Variants in DOCK8 observed in about 807,000 individuals in gnomAD.
The protein encoded by DOCK8 is dedicator of cytokinesis 8, also known as dedicator of cytokinesis protein 8.
DOCK8 carries 141 observed loss-of-function variants against 245.6 expected under a neutral mutation model. That is an observed-to-expected ratio of 0.57 (90% CI 0.50 to 0.66). The LOEUF is 0.66. DOCK8 is among the 30% of genes least tolerant of loss of function. The probability of loss-of-function intolerance (pLI) is 0.00; values close to 1 mark genes in which losing one functional copy is unlikely to be tolerated. For synonymous variants in DOCK8, 1,168 were observed against 970.2 expected (o/e 1.20, Z -3.79); for missense variants, 2,965 against 2,603.4 (o/e 1.14, Z -3.02).
At chr9:279,616 A>C (rs2048496060) in intron 2 of DOCK8, among the ~76,000 whole-genome samples, 1 of 152,212 alleles carries the variant, frequency 6.6e-6, no homozygotes, top group African/African-American at 2.4e-5. Context: ...ATGGGAAGAA[A>C]GTATGTCAAG....
chr9:403,886 C>A (rs1217321265), intron 26 of DOCK8, among the ~76,000 whole-genome samples: 26 of 89,350 alleles, frequency 2.9e-4, no homozygotes, highest in East Asian at 2.1e-3. Flanking sequence ...CTCTCTCTCT[C>A]TCTCTCTATA....
rs572220748 is a variant in DOCK8, at chr9:436,777, A to G, written c.5079+1802A>G. 8.0e-4 allele frequency among the ~76,000 whole-genome samples: 122 copies of G among 152,242 alleles called. 3 individuals carry two copies. The highest frequency in any genetic ancestry group is 7.1e-4 in the Non-Finnish European group (48 of 68,034). On this transcript the variant is annotated intron_variant, in intron 39 of 47. Transcript: ENST00000432829. ...TGATTCCTTCTTTTAGAGAATATTTATTGAATACTTATTCTGTCCTCATGA... is the reference window on the plus strand; with the variant it reads ...TGATTCCTTCTTTTAGAGAATATTTGTTGAATACTTATTCTGTCCTCATGA...
chr9:427,083 A>G (rs1373221280), intron 34 of DOCK8, 102 bp downstream of exon 34: 1 of 971,046 alleles, frequency 1.0e-6, no homozygotes, highest in African/African-American at 1.6e-5. Context: ...ATGTGATCCC[A>G]TAGTACCTTT....
intron 1 of DOCK8, among the ~76,000 whole-genome samples, chr9:230,461 C>A (rs112517187): frequency 3.9e-4 from 60 of 152,164 alleles, no homozygotes; most frequent in African/African-American, 1.4e-3. Context: ...TTCTAGATCC[C>A]TGAGGAATCG....
intron 14 of DOCK8, among the ~76,000 whole-genome samples, chr9:346,023 C>G (rs956205105): frequency 1.3e-5 from 2 of 151,924 alleles, no homozygotes; most frequent in Non-Finnish European, 2.9e-5. Context: ...GCGGCTCGGG[C>G]CCTCTGCAGT....
chr9:249,190 A>G (rs2047587601), intron 1 of DOCK8, among the ~76,000 whole-genome samples: 1 of 152,160 alleles, frequency 6.6e-6, no homozygotes, highest in Non-Finnish European at 1.5e-5. Context: ...AAGTCTAGAG[A>G]TGGTCCTATG....
chr9:272,223 C>T (rs745697107), intron 2 of DOCK8, among the ~76,000 whole-genome samples: 6 of 152,150 alleles, frequency 3.9e-5, no homozygotes, highest in Non-Finnish European at 7.3e-5. Context: ...AACCTTTCCT[C>T]AGTCAAGATA....
intron 1 of DOCK8, among the ~76,000 whole-genome samples, chr9:230,666 T>A (rs1176908244): frequency 6.6e-6 from 1 of 151,644 alleles, no homozygotes. Flanking sequence ...GGTGAGCATT[T>A]TTTCATGTGT....
intron 24 of DOCK8, among the ~76,000 whole-genome samples, chr9:393,615 G>A (rs981046353): frequency 3.3e-5 from 5 of 152,176 alleles, no homozygotes; most frequent in African/African-American, 9.7e-5. Flanking sequence ...CGTTGGCCCA[G>A]GAGAGAAAGC....
chr9:449,989 C>G, intron 45 of DOCK8, 62 bp downstream of exon 45: 1 of 1,571,096 alleles, frequency 6.4e-7, no homozygotes, highest in Non-Finnish European at 8.7e-7. Flanking sequence ...CATTATACGT[C>G]TGCACCCTTC....
chr9:447,470 CAATT>C (rs758409687), intron 44 of DOCK8, among the ~76,000 whole-genome samples: 5 of 152,124 alleles, frequency 3.3e-5, no homozygotes, highest in Non-Finnish European at 7.4e-5. Context: ...CCTTGTTAAA[CAATT>C]TGAGAGCAGA....
chr9:461,822 A>C (rs564507902), intron 46 of DOCK8, among the ~76,000 whole-genome samples: 2 of 152,178 alleles, frequency 1.3e-5, no homozygotes, highest in South Asian at 4.1e-4. Flanking sequence ...GATTACAGGC[A>C]TGAGGCACCA....
At chr9:272,567 G>A (rs1052699765) in intron 2 of DOCK8, among the ~76,000 whole-genome samples, 1 of 152,060 alleles carries the variant, frequency 6.6e-6, no homozygotes, top group African/African-American at 2.4e-5. Flanking sequence ...TGTACTTTTT[G>A]TAGAGACAGG....
intron 2 of DOCK8, among the ~76,000 whole-genome samples, chr9:278,043 G>T (rs1206973066): frequency 1.3e-5 from 2 of 152,210 alleles, no homozygotes; most frequent in African/African-American, 2.4e-5. Flanking sequence ...AGGTTTCACT[G>T]ATTGCACTGG....
intron 27 of DOCK8, among the ~76,000 whole-genome samples, chr9:406,002 C>G (rs2055400590): frequency 1.3e-5 from 2 of 152,170 alleles, no homozygotes. Flanking sequence ...GTGGCCAAAC[C>G]CAGGGGCCAG....
At chr9:307,811 A>G (rs2049919266) in intron 5 of DOCK8, among the ~76,000 whole-genome samples, 1 of 152,276 alleles carries the variant, frequency 6.6e-6, no homozygotes, top group South Asian at 2.1e-4. Context: ...CGTGGACTCA[A>G]CCTAAGTATC....
intron 44 of DOCK8, among the ~76,000 whole-genome samples, chr9:449,113 G>C (rs1421539387): frequency 6.6e-6 from 1 of 152,208 alleles, no homozygotes; most frequent in African/African-American, 2.4e-5. Context: ...CACTTTGGGA[G>C]GCCGAGGCAG....
intron 1 of DOCK8, among the ~76,000 whole-genome samples, chr9:266,686 C>T (rs1485588060): frequency 6.6e-6 from 1 of 152,196 alleles, no homozygotes; most frequent in East Asian, 1.9e-4. Context: ...CATAGAGCTT[C>T]TCTACCCACT....
intron 25 of DOCK8, among the ~76,000 whole-genome samples, chr9:397,518 G>A (rs768192748): frequency 2.6e-5 from 4 of 151,600 alleles, no homozygotes; most frequent in African/African-American, 7.3e-5. Flanking sequence ...TTGAAACCCC[G>A]TCTCTACTAA....
Sources: allele counts gnomAD v4.1 joint callset (sites outside exome capture counted in the v4.1 genomes callset), GRCh38; gene constraint gnomAD v4.1.1; transcripts MANE v1.5; gene names NCBI Gene and HGNC (gene_info 2026-07-23, HGNC 2026-07-21).